Variants in PPARGC1A observed in about 807,000 individuals in gnomAD.
PPARGC1A encodes the protein PPARG coactivator 1 alpha.
In PPARGC1A, 25 loss-of-function variants were observed where a neutral mutation model predicts 88.7. The ratio of observed to expected loss-of-function variants is 0.28; its 90% CI spans 0.21 to 0.39. The LOEUF (loss-of-function observed/expected upper bound fraction) is 0.39, where lower values mean the gene tolerates loss of function less well. PPARGC1A is among the 10% of genes least tolerant of loss of function. PPARGC1A has a pLI of 1.00. For missense variants in PPARGC1A, 880 were observed against 968.7 expected (o/e 0.91, Z 1.22); for synonymous variants, 363 against 355.6 (o/e 1.02, Z -0.24).
the PPARGC1A span, among the ~76,000 whole-genome samples, chr4:24,386,343 G>A: frequency 2.0e-5 from 3 of 152,170 alleles, no homozygotes; most frequent in Non-Finnish European, 4.4e-5. Flanking sequence ...AGACAAGGAT[G>A]CCCTCTCTCA....
chr4:24,219,654 C>T, the PPARGC1A span, among the ~76,000 whole-genome samples: 2 of 152,164 alleles, frequency 1.3e-5, no homozygotes, highest in Admixed American at 6.5e-5. Context: ...GCCCCTCCTC[C>T]CCTCCTCCAA....
chr4:24,191,231 C>A, the PPARGC1A span, among the ~76,000 whole-genome samples: 1 of 152,140 alleles, frequency 6.6e-6, no homozygotes, highest in Non-Finnish European at 1.5e-5. Flanking sequence ...GCAGCTTGGA[C>A]GTGAATGAGG....
chr4:24,084,219 C>G, the PPARGC1A span, among the ~76,000 whole-genome samples: 1 of 152,210 alleles, frequency 6.6e-6, no homozygotes, highest in African/African-American at 2.4e-5. Context: ...GGTGATCAAT[C>G]AGTACTGGTT....
the PPARGC1A span, among the ~76,000 whole-genome samples, chr4:24,129,177 G>T: frequency 6.6e-6 from 1 of 152,152 alleles, no homozygotes; most frequent in South Asian, 2.1e-4. Context: ...AACAGTAATG[G>T]TAATGGGGGG....
chr4:24,467,037 AGAG>A, the PPARGC1A span, among the ~76,000 whole-genome samples: 1 of 141,298 alleles, frequency 7.1e-6, no homozygotes, highest in Non-Finnish European at 1.5e-5. Flanking sequence ...AAAGAGAAAG[AGAG>A]AGAGAGAGAA....
At chr4:24,214,338 G>A in the PPARGC1A span, among the ~76,000 whole-genome samples, 4 of 152,214 alleles carry the variant, frequency 2.6e-5, no homozygotes, top group Non-Finnish European at 5.9e-5. Context: ...CAGCAGTATT[G>A]CACATTCTTT....
chr4:24,228,198 A>C, the PPARGC1A span, among the ~76,000 whole-genome samples: 2 of 152,192 alleles, frequency 1.3e-5, no homozygotes, highest in African/African-American at 4.8e-5. Flanking sequence ...TCTCATGGGC[A>C]AACCTCATAT....
chr4:24,215,476 G>A, the PPARGC1A span, among the ~76,000 whole-genome samples: 589 of 152,254 alleles, frequency 3.9e-3, 5 homozygotes, highest in African/African-American at 0.013. Context: ...CAATCCTGGT[G>A]GTGAATCCTG....
At chr4:24,467,932 G>A in the PPARGC1A span, among the ~76,000 whole-genome samples, 26 of 152,302 alleles carry the variant, frequency 1.7e-4, no homozygotes, top group South Asian at 6.2e-4. Flanking sequence ...GTCAAGCCTC[G>A]TGGTAATGTC....
the PPARGC1A span, among the ~76,000 whole-genome samples, chr4:24,069,541 A>C: frequency 6.6e-6 from 1 of 152,158 alleles, no homozygotes; most frequent in African/African-American, 2.4e-5. Flanking sequence ...GAATTACTCA[A>C]GCTTTGGTGA....
the PPARGC1A span, among the ~76,000 whole-genome samples, chr4:24,089,012 A>T: frequency 1.3e-5 from 2 of 152,298 alleles, no homozygotes; most frequent in East Asian, 1.9e-4. Context: ...ATATGTGTGT[A>T]TGTGTGTTTG....
chr4:24,233,440 G>T, the PPARGC1A span, among the ~76,000 whole-genome samples: 3 of 151,588 alleles, frequency 2.0e-5, no homozygotes, highest in Non-Finnish European at 4.4e-5. Flanking sequence ...CTAAGACACC[G>T]TCCCATTGAA....
At chr4:24,260,846 T>A in the PPARGC1A span, among the ~76,000 whole-genome samples, 1 of 152,178 alleles carries the variant, frequency 6.6e-6, no homozygotes, top group Non-Finnish European at 1.5e-5. Context: ...AATGTTAAAA[T>A]GTCATTTATT....
At chr4:23,854,330 C>T (rs1026474880) in intron 2 of PPARGC1A, among the ~76,000 whole-genome samples, 1 of 152,166 alleles carries the variant, frequency 6.6e-6, no homozygotes, top group Non-Finnish European at 1.5e-5. Flanking sequence ...TCATGGAAAT[C>T]CCTTTGAAAA....
intron 2 of PPARGC1A, among the ~76,000 whole-genome samples, chr4:23,832,226 T>C (rs1243118746): frequency 2.0e-5 from 3 of 152,208 alleles, no homozygotes; most frequent in South Asian, 2.1e-4. Flanking sequence ...AGTGGAACTA[T>C]ACTGAAAGCA....
chr4:24,281,540 C>T, the PPARGC1A span, among the ~76,000 whole-genome samples: 1 of 152,196 alleles, frequency 6.6e-6, no homozygotes, highest in Non-Finnish European at 1.5e-5. Flanking sequence ...AGGATCCACT[C>T]CCATGACCAC....
chr4:24,289,063 T>C, the PPARGC1A span, among the ~76,000 whole-genome samples: 1 of 151,694 alleles, frequency 6.6e-6, no homozygotes. Flanking sequence ...CTACTAAAAA[T>C]ACAAAAATTA....
At chr4:24,278,796 T>C in the PPARGC1A span, among the ~76,000 whole-genome samples, 16 of 152,162 alleles carry the variant, frequency 1.1e-4, no homozygotes, top group African/African-American at 3.9e-4. Flanking sequence ...GTATGATTTT[T>C]TTTTACTTCC....
the PPARGC1A span, among the ~76,000 whole-genome samples, chr4:23,964,672 A>T: frequency 2.0e-5 from 3 of 152,174 alleles, no homozygotes; most frequent in African/African-American, 7.2e-5. Context: ...AAGGGATGAG[A>T]TCACACAGGA....
Sources: gnomAD v4.1 joint callset for allele counts (sites outside exome capture counted in the v4.1 genomes callset) on GRCh38, gnomAD v4.1.1 for gene constraint, MANE v1.5 for transcripts, NCBI Gene and HGNC (gene_info 2026-07-23, HGNC 2026-07-21) for gene names.